TASOR2: variants seen among roughly 807,000 people sequenced by gnomAD.
The protein encoded by TASOR2 is protein TASOR 2.
TASOR2 carries 84 observed loss-of-function variants against 199.5 expected under a neutral mutation model. The ratio of observed to expected loss-of-function variants is 0.42; its 90% confidence interval spans 0.35 to 0.50. The LOEUF (loss-of-function observed/expected upper bound fraction) is 0.50. Among genes scored for constraint, TASOR2 ranks in the 20% least tolerant of loss-of-function variants. The pLI is 0.02. For synonymous variants in TASOR2, 1,103 were observed against 1,046.6 expected (o/e 1.05, Z -1.04); for missense variants, 2,796 against 2,835.9 (o/e 0.99, Z 0.32).
Position 5,762,608 on chromosome 10 carries a change from CAT to C in TASOR2, c.7253_7254del (p.Ile2418ArgfsTer8), listed in dbSNP as rs750205113. 2.8e-6 allele frequency: 4 copies of C among 1,412,572 alleles called. No homozygotes were observed. Among genetic ancestry groups the C allele is most frequent in the South Asian group, 2.6e-5 (2 of 78,208 alleles). 87.5% of individuals were successfully genotyped at this position (1,412,572 alleles called of 1,614,324 possible). A position where few individuals can be genotyped will look rare whatever the true frequency, so the allele number is the denominator to read the frequency against. Reference sequence around the variant, plus strand: ...CAGATGTAAATAACTTTATAGAAAACATAGAAAAAATAGCAGCTCCATTTAGG... The same window carrying C: ...CAGATGTAAATAACTTTATAGAAAACAGAAAAAATAGCAGCTCCATTTAGG... On this transcript the variant is annotated frameshift_variant, in exon 20 of 21. Transcript: ENST00000328090. LOFTEE classifies it high-confidence loss of function.
At chr10:5,755,788 C>A (rs1272791409) in intron 15 of TASOR2, among the ~76,000 whole-genome samples, 1 of 151,880 alleles carries the variant, frequency 6.6e-6, no homozygotes. Flanking sequence ...TTGGGCAACA[C>A]TGCTTGAGGC....
At chr10:5,714,422 T>G (rs1383043998) in intron 2 of TASOR2, 2 of 353,330 alleles carry the variant, frequency 5.7e-6, no homozygotes, top group Non-Finnish European at 1.0e-5. Context: ...GGTATTGTCT[T>G]GAGAATCTCT....
rs908243616 is a variant in TASOR2, at chr10:5,740,986, C to A, written c.2327+489C>A. 6.6e-6 allele frequency among the ~76,000 whole-genome samples: 1 copy of A among 152,182 alleles called. No individual in the cohort carries two copies. The highest frequency in any genetic ancestry group is 2.4e-5 in the African/African-American group (1 of 41,434). On this transcript the variant is annotated intron_variant, in intron 13 of 20. Coordinates refer to ENST00000328090, the Ensembl canonical transcript of TASOR2. The surrounding 1 kb of genome is among the most constrained non-coding windows in gnomAD (Gnocchi z 5.3). ...AAGTCAGTAATAACAGAGTGGTGAA[C>A]AGCACAGGCTTTGGAGTGTAGACTA...
exon 21 of TASOR2, chr10:5,763,590 GAAAT>G (rs1453368589): frequency 4.6e-5 from 7 of 152,066 alleles, no homozygotes; most frequent in African/African-American, 4.8e-5. Flanking sequence ...TTCTGAGAAA[GAAAT>G]AATCATTTAT....
chr10:5,702,781 T>C (rs2131524354), intron 1 of TASOR2, among the ~76,000 whole-genome samples: 1 of 152,260 alleles, frequency 6.6e-6, no homozygotes, highest in African/African-American at 2.4e-5. Context: ...GATGTTTCTT[T>C]TCCTTAAAGA....
Position 5,742,413 on chromosome 10 carries a change from C to T in TASOR2, c.2644C>T (p.Leu882Phe), listed in dbSNP as rs1836566113. 6.2e-7 allele frequency: 1 copy of T among 1,613,986 alleles called. No homozygotes were observed. Among genetic ancestry groups the T allele is most frequent in the Non-Finnish European group, 8.5e-7 (1 of 1,180,022 alleles). Residue 882 changes from leucine (L) to phenylalanine (F), a missense_variant, in exon 14 of 21, where the codon CTT (leucine) becomes TTT (phenylalanine). By Grantham distance (22) the Leu-to-Phe change is conservative. Around this residue, in one of 3 missense-constraint regions of TASOR2, gnomAD observed 1,941 missense variants for 1,924.9 expected, o/e 1.01. Transcript: ENST00000328090. The surrounding 1 kb of genome is among the most constrained non-coding windows in gnomAD (Gnocchi z 4.2). ...CTTGCTTCCTTTCATTAAAACACCACTTACCCAAGGCTTGGAACTCTGTGT... is the reference window on the plus strand; with the variant it reads ...CTTGCTTCCTTTCATTAAAACACCATTTACCCAAGGCTTGGAACTCTGTGT...
chr10:5,716,182 T>C (rs967647616), intron 2 of TASOR2, among the ~76,000 whole-genome samples: 1 of 152,234 alleles, frequency 6.6e-6, no homozygotes, highest in Admixed American at 6.5e-5. Flanking sequence ...GTCCAAACTT[T>C]ATGCAGTCTG....
In TASOR2 at chr10:5,701,035, G is replaced by A. The variant is rs528478199; in HGVS notation, c.-287-11788G>A. Among the ~76,000 whole-genome samples the A allele has an allele frequency of 4.3e-4, 66 of 151,914 alleles. No individual in the cohort carries two copies. The highest frequency in any genetic ancestry group is 1.6e-3 in the African/African-American group (66 of 41,428). Reference sequence around the variant, plus strand: ...TGCTTTGGTTGCCTGTGCCTTTGAGGCCTTAAACAAAAAAAGTTTGGCCAG... The same window carrying A: ...TGCTTTGGTTGCCTGTGCCTTTGAGACCTTAAACAAAAAAAGTTTGGCCAG... On this transcript the variant is annotated intron_variant, in intron 1 of 20. Transcript: ENST00000328090. The surrounding 1 kb of genome is among the most constrained non-coding windows in gnomAD (Gnocchi z 4.9).
rs1190600163 is a variant in TASOR2, at chr10:5,698,083, T to C, written c.-288+12908T>C. Among the ~76,000 whole-genome samples, 1 of 152,214 alleles carries C rather than the reference T, an allele frequency of 6.6e-6. No homozygotes were observed. Among genetic ancestry groups the C allele is most frequent in the African/African-American group, 2.4e-5 (1 of 41,454 alleles). ...TGTTCACTCCATGACCCTATGCAGT[T>C]CCTTTCATTAAAGTGACAGAGATAT... is the stretch of plus-strand genomic sequence containing the variant. On this transcript the variant is annotated intron_variant, in intron 1 of 20. Transcript: ENST00000328090. This position sits in a 1 kb window ranked among gnomAD's most constrained non-coding sequence, Gnocchi z 4.4.
chr10:5,688,446 CA>C (rs1836045668), intron 1 of TASOR2, among the ~76,000 whole-genome samples: 1 of 137,868 alleles, frequency 7.3e-6, no homozygotes, highest in Non-Finnish European at 1.5e-5. Context: ...CTATGTTGCC[CA>C]AGCTAGTCTC....
In TASOR2 at chr10:5,720,109, A is replaced by T. The variant is rs1027546100; in HGVS notation, c.-99-435A>T. On this transcript the variant is annotated intron_variant, in intron 3 of 20. Transcript: ENST00000328090. The surrounding 1 kb of genome is among the most constrained non-coding windows in gnomAD (Gnocchi z 5.3). ...AATCAAAACTATTTTTGGCCTTAAG[A>T]TAATTGTTTTTCTAAGAAGTATAGT... Among the ~76,000 whole-genome samples, 1 of 152,206 alleles carries T rather than the reference A, an allele frequency of 6.6e-6. No individual in the cohort carries two copies. Among genetic ancestry groups the T allele is most frequent in the Non-Finnish European group, 1.5e-5 (1 of 68,038 alleles).
At chr10:5,700,006 T>C (rs1588615855) in intron 1 of TASOR2, among the ~76,000 whole-genome samples, 1 of 152,280 alleles carries the variant, frequency 6.6e-6, no homozygotes, top group Middle Eastern at 3.4e-3. Flanking sequence ...GATTGTAAAC[T>C]ACAGTCAACC....
intron 2 of TASOR2, among the ~76,000 whole-genome samples, chr10:5,717,256 A>T (rs1232695828): frequency 6.6e-6 from 1 of 152,166 alleles, no homozygotes; most frequent in African/African-American, 2.4e-5. Context: ...AATTTTGTGT[A>T]TAATAATACT....
intron 12 of TASOR2, among the ~76,000 whole-genome samples, chr10:5,736,464 G>A (rs1835617718): frequency 1.3e-5 from 2 of 151,946 alleles, no homozygotes; most frequent in South Asian, 4.2e-4. Flanking sequence ...ATGTTGCCTA[G>A]GCTGGTCTTG....
At chr10:5,749,100 C>T in exon 15 of TASOR2, 1 of 1,614,054 alleles carries the variant, frequency 6.2e-7, no homozygotes, top group African/African-American at 1.3e-5. Context: ...AGACGAGCCT[C>T]CCTCCCGGGC....
chr10:5,743,846 C>T (rs1245846282), intron 14 of TASOR2: 5 of 152,312 alleles, frequency 3.3e-5, no homozygotes, highest in South Asian at 4.1e-4. Flanking sequence ...TATGTACTTA[C>T]GTAGGCTTTT....
At chr10:5,714,078 A>T (rs979665291) in intron 2 of TASOR2, 57 bp from the exon 3 acceptor site, 8 of 902,858 alleles carry the variant, frequency 8.9e-6, no homozygotes, top group Admixed American at 4.3e-5. Flanking sequence ...AACCTTACAG[A>T]TTATAGCATT....
intron 11 of TASOR2, among the ~76,000 whole-genome samples, chr10:5,731,485 G>A (rs939222319): frequency 6.6e-5 from 10 of 152,208 alleles, no homozygotes; most frequent in Non-Finnish European, 5.9e-5. Context: ...CCGAGATCAC[G>A]CCATTGCGCT....
exon 15 of TASOR2, chr10:5,749,424 T>C (rs1427099229): frequency 6.2e-7 from 1 of 1,614,250 alleles, no homozygotes; most frequent in Non-Finnish European, 8.5e-7. Flanking sequence ...CTGCCTCCTC[T>C]GCCAATGTCT....
Sources: allele counts gnomAD v4.1 joint callset (sites outside exome capture counted in the v4.1 genomes callset), GRCh38; gene constraint gnomAD v4.1.1; regional missense constraint gnomAD v4.1.1; non-coding constraint Gnocchi (gnomAD v3.1); transcripts MANE v1.5; gene names NCBI Gene and HGNC (gene_info 2026-07-23, HGNC 2026-07-21).